Variants in PARD3 observed in about 807,000 individuals in gnomAD.
The protein encoded by PARD3 is par-3 family cell polarity regulator, also known as partitioning defective 3 homolog.
A neutral mutation model predicts 155.4 loss-of-function variants in PARD3; 75 were observed. The observed-to-expected ratio is 0.48, with a 90% CI of 0.40 to 0.58. The LOEUF is 0.58. Ranked by LOEUF, PARD3 falls within the 20% of genes least tolerant of loss-of-function variation. The pLI, the probability that PARD3 is intolerant of heterozygous loss-of-function variation, is 0.00. For missense variants in PARD3, 1,642 were observed against 1,721.7 expected (o/e 0.95, Z 0.82); for synonymous variants, 576 against 610.5 (o/e 0.94, Z 0.83).
At chr10:34,470,583 A>G (rs1436181801) in intron 3 of PARD3, among the ~76,000 whole-genome samples, 1 of 152,194 alleles carries the variant, frequency 6.6e-6, no homozygotes, top group African/African-American at 2.4e-5. Context: ...AATGAAAATA[A>G]AACAGTACCT....
intron 22 of PARD3, among the ~76,000 whole-genome samples, chr10:34,263,251 A>C (rs2891436): frequency 0.44 from 67,542 of 152,074 alleles, 15,354 homozygotes; most frequent in Middle Eastern, 0.57. Context: ...GAAGTGCTTT[A>C]TATGTCATTA....
intron 3 of PARD3, among the ~76,000 whole-genome samples, chr10:34,486,399 G>C (rs961565180): frequency 1.3e-5 from 2 of 152,182 alleles, no homozygotes; most frequent in Non-Finnish European, 2.9e-5. Flanking sequence ...TTTACAGTCT[G>C]TTTTGGTTTT....
At chr10:34,133,194 G>A (rs1947705492) in intron 22 of PARD3, among the ~76,000 whole-genome samples, 1 of 152,174 alleles carries the variant, frequency 6.6e-6, no homozygotes, top group African/African-American at 2.4e-5. Flanking sequence ...TCTGCAGACA[G>A]GAGAGCTAAA....
intron 22 of PARD3, among the ~76,000 whole-genome samples, chr10:34,133,469 A>G (rs1947724101): frequency 6.6e-6 from 1 of 152,220 alleles, no homozygotes; most frequent in Non-Finnish European, 1.5e-5. Context: ...ACAGAACGTC[A>G]GACTTCTTGA....
intron 1 of PARD3, among the ~76,000 whole-genome samples, chr10:34,763,043 T>C (rs1169304971): frequency 3.3e-5 from 5 of 152,176 alleles, no homozygotes; most frequent in Admixed American, 6.6e-5. Flanking sequence ...ACCATCTTAG[T>C]AGTTCTTAAA....
Position 34,622,819 on chromosome 10 carries a change from C to CT in PARD3, c.222+73498dup, listed in dbSNP as rs1391152056. Among the ~76,000 whole-genome samples the CT allele has an allele frequency of 3.0e-3, 393 of 129,690 alleles. 4 individuals carry two copies. The highest frequency in any genetic ancestry group is 0.011 in the African/African-American group (378 of 34,918). 85.1% of individuals were successfully genotyped at this position (129,690 alleles called of 152,430 possible). A position where few individuals can be genotyped will look rare whatever the true frequency, so the allele number is the denominator to read the frequency against. On this transcript the variant is annotated intron_variant, in intron 2 of 24. Coordinates refer to ENST00000374788, the MANE Select transcript of PARD3 (RefSeq NM_001184785.2). ...GACTTACATTGCCTGAGTTGGTTTT[C>CT]TTTTTTTCTTTTTTTTTTTTTTTTT...
intron 9 of PARD3, among the ~76,000 whole-genome samples, chr10:34,381,264 A>C (rs980710354): frequency 2.6e-5 from 4 of 152,240 alleles, no homozygotes; most frequent in Non-Finnish European, 5.9e-5. Context: ...CAACAGCCAC[A>C]TGACCTGAGG....
rs2079383602 is a variant in PARD3, at chr10:34,485,346, A to T, written c.404-15083T>A. 2.0e-5 allele frequency among the ~76,000 whole-genome samples: 3 copies of T among 152,152 alleles called. No homozygotes were observed. In the South Asian group the frequency reaches 6.2e-4, roughly 32 times the overall value. ...GAGCAAGACTCTGTCTCAAAAAAAA[A>T]AAAAAGTTCATTTTTGCCAAGGTTA... On this transcript the variant is annotated intron_variant, in intron 3 of 24. Transcript: ENST00000374788.
At chr10:34,759,854 T>C (rs1216225005) in intron 1 of PARD3, among the ~76,000 whole-genome samples, 1 of 152,256 alleles carries the variant, frequency 6.6e-6, no homozygotes, top group East Asian at 1.9e-4. Context: ...TAATTTTTAA[T>C]ATCATGTGAA....
intron 5 of PARD3, among the ~76,000 whole-genome samples, chr10:34,438,862 G>A (rs2076319124): frequency 1.3e-5 from 2 of 152,334 alleles, no homozygotes; most frequent in South Asian, 4.1e-4. Flanking sequence ...GGGAAGACAG[G>A]TGACTGCATG....
chr10:34,226,367 T>C (rs1486514686), intron 22 of PARD3, among the ~76,000 whole-genome samples: 3 of 152,246 alleles, frequency 2.0e-5, no homozygotes, highest in South Asian at 2.1e-4. Flanking sequence ...CTGACCAACA[T>C]GGTGAAACCC....
chr10:34,619,670 A>G (rs1237333620), intron 2 of PARD3, among the ~76,000 whole-genome samples: 1 of 152,196 alleles, frequency 6.6e-6, no homozygotes, highest in Non-Finnish European at 1.5e-5. Flanking sequence ...TGGAAACAGT[A>G]GGTGCTCAAA....
Position 34,196,731 on chromosome 10 carries a change from A to G in PARD3, c.3420-65148T>C, listed in dbSNP as rs527718938. ...TGGGACTACAGGTGCCCGCCACCAC[A>G]CTTGGCTAATTTTCTGTATTTTTAG... is the stretch of plus-strand genomic sequence containing the variant. On this transcript the variant is annotated intron_variant, in intron 22 of 24. Transcript: ENST00000374788. 7.9e-5 allele frequency among the ~76,000 whole-genome samples: 12 copies of G among 151,580 alleles called. No individual in the cohort carries two copies. The South Asian group carries it at 1.7e-3, about 21-fold the overall frequency.
intron 5 of PARD3, among the ~76,000 whole-genome samples, chr10:34,413,140 T>TACACACACACACACACACACACACAC (rs774389489): frequency 8.8e-6 from 1 of 113,794 alleles, no homozygotes; most frequent in Admixed American, 9.3e-5. Context: ...ACTTCAGATA[T>TACACACACACACACACACACACACAC]ATATACACAC....
At chr10:34,185,757 G>T (rs1247858547) in intron 22 of PARD3, among the ~76,000 whole-genome samples, 3 of 151,218 alleles carry the variant, frequency 2.0e-5, no homozygotes, top group African/African-American at 7.3e-5. Flanking sequence ...GAACATCACA[G>T]GACCCTGAGT....
chr10:34,538,547 T>G (rs535616216), intron 2 of PARD3, among the ~76,000 whole-genome samples: 1 of 152,340 alleles, frequency 6.6e-6, no homozygotes, highest in African/African-American at 2.4e-5. Context: ...GTTCCACTGC[T>G]GGGATGTTTA....
chr10:34,696,321 G>A lies in PARD3; in HGVS notation c.219C>T (p.Asp73=). The part of the protein sequence containing the change: ...DILCDVADDK[D]RLVAVFDEQD... Reference sequence around the variant, plus strand: ...GTTCCCCAGGACCTGAACTCACTCTGTCTTTATCGTCTGCTACATCACAAA... The same window carrying A: ...GTTCCCCAGGACCTGAACTCACTCTATCTTTATCGTCTGCTACATCACAAA... Residue 73 remains aspartate (D), a synonymous_variant, in exon 2 of 25, where the codon GAC becomes GAT. Transcript: ENST00000374788. The A allele has an allele frequency of 6.3e-7, 1 of 1,592,886 alleles. No individual in the cohort carries two copies. The highest frequency in any genetic ancestry group is 8.6e-7 in the Non-Finnish European group (1 of 1,161,554).
At chr10:34,208,612 T>C (rs1951591309) in intron 22 of PARD3, among the ~76,000 whole-genome samples, 1 of 152,158 alleles carries the variant, frequency 6.6e-6, no homozygotes, top group East Asian at 1.9e-4. Flanking sequence ...AGAAGAGAGG[T>C]AGGCAAAGAT....
At chr10:34,443,781 C>T (rs2076593448) in intron 5 of PARD3, among the ~76,000 whole-genome samples, 1 of 152,044 alleles carries the variant, frequency 6.6e-6, no homozygotes, top group Non-Finnish European at 1.5e-5. Flanking sequence ...GTTTATAATG[C>T]ATAAATATTC....
Sources: allele counts gnomAD v4.1 joint callset (sites outside exome capture counted in the v4.1 genomes callset), GRCh38; gene constraint gnomAD v4.1.1; transcripts MANE v1.5; gene names NCBI Gene and HGNC (gene_info 2026-07-23, HGNC 2026-07-21).